The following THSD7B variants were observed in gnomAD, a reference collection of about 807,000 sequenced individuals.
THSD7B encodes the protein thrombospondin type-1 domain-containing protein 7B.
Under a neutral mutation model 213.6 loss-of-function variants are expected in THSD7B, and 138 were observed. The ratio of observed to expected loss-of-function variants is 0.65; its 90% confidence interval spans 0.56 to 0.74. THSD7B has a LOEUF of 0.74. Among genes scored for constraint, THSD7B ranks in the 30% least tolerant of loss-of-function variants. The pLI, the probability that THSD7B is intolerant of heterozygous loss-of-function variation, is 0.00. For missense variants in THSD7B, 1,931 were observed against 1,991.5 expected (o/e 0.97, Z 0.58); for synonymous variants, 742 against 687.0 (o/e 1.08, Z -1.25).
At chr2:137,092,579 T>A (rs1687968985) in intron 3 of THSD7B, among the ~76,000 whole-genome samples, 1 of 152,176 alleles carries the variant, frequency 6.6e-6, no homozygotes, top group African/African-American at 2.4e-5. Flanking sequence ...CTGTCTTCTA[T>A]AAATGATCGC....
chr2:137,548,522 T>A (rs766514399), intron 15 of THSD7B, among the ~76,000 whole-genome samples: 1 of 152,020 alleles, frequency 6.6e-6, no homozygotes, highest in African/African-American at 2.4e-5. Flanking sequence ...TTATTTGGAA[T>A]ATCTCACAAT....
At chr2:137,047,272 A>G (rs1246871061) in intron 2 of THSD7B, among the ~76,000 whole-genome samples, 1 of 152,142 alleles carries the variant, frequency 6.6e-6, no homozygotes, top group Admixed American at 6.6e-5. Context: ...TGGGTGATTG[A>G]ATCTGATCTT....
intron 17 of THSD7B, among the ~76,000 whole-genome samples, chr2:137,594,900 T>C (rs372334413): frequency 6.6e-6 from 1 of 152,004 alleles, no homozygotes; most frequent in East Asian, 1.9e-4. Flanking sequence ...CAATGTTTGA[T>C]AGTGTTCAGT....
intron 3 of THSD7B, among the ~76,000 whole-genome samples, chr2:137,065,648 A>G (rs1048479162): frequency 2.0e-5 from 3 of 151,132 alleles, no homozygotes; most frequent in African/African-American, 7.4e-5. Flanking sequence ...TCTGATTTTA[A>G]TGGAACATTT....
At chr2:137,580,160 G>A (rs564977479) in intron 17 of THSD7B, among the ~76,000 whole-genome samples, 3 of 152,114 alleles carry the variant, frequency 2.0e-5, no homozygotes, top group African/African-American at 7.2e-5. Flanking sequence ...AATTTCAAAT[G>A]AATATTCCTA....
chr2:137,017,655 G>A (rs796614654), intron 2 of THSD7B, among the ~76,000 whole-genome samples: 11 of 152,224 alleles, frequency 7.2e-5, no homozygotes, highest in African/African-American at 2.4e-4. Context: ...GCTTTCCAGT[G>A]TCAGGACATC....
intron 7 of THSD7B, among the ~76,000 whole-genome samples, chr2:137,203,374 G>A (rs1430526936): frequency 6.6e-6 from 1 of 151,954 alleles, no homozygotes; most frequent in African/African-American, 2.4e-5. Flanking sequence ...ATTGGCATGG[G>A]TGTTAGAGAG....
intron 20 of THSD7B, among the ~76,000 whole-genome samples, chr2:137,623,438 T>A (rs968438560): frequency 6.6e-6 from 1 of 152,178 alleles, no homozygotes; most frequent in African/African-American, 2.4e-5. Flanking sequence ...ATGCCCTCTC[T>A]CACCACTCCT....
rs1682860598 is a variant in THSD7B, at chr2:137,275,957, G to T, written c.2431G>T (p.Val811Leu). ...KPQKWSPCIL[V>L]PESVWQGITG... is the part of the protein sequence containing the mutation. ...ACAGAAATGGAGCCCTTGCATCTTA[G>T]TGCCAGAGTCTGTCTGGCAGGGAAT... The change falls in exon 12 of 28, where the codon GTG becomes TTG. Residue 811 changes from valine (V) to leucine (L), a missense_variant. Val to Leu is a conservative substitution (Grantham distance 32). Transcript: ENST00000409968. 4 of 1,612,144 alleles carry T rather than the reference G, an allele frequency of 2.5e-6. No individual in the cohort carries two copies. The highest frequency in any genetic ancestry group is 3.4e-6 in the Non-Finnish European group (4 of 1,178,924).
chr2:136,853,978 C>T (rs77143266), intron 1 of THSD7B, among the ~76,000 whole-genome samples: 3,429 of 152,246 alleles, frequency 0.023, 68 homozygotes, highest in South Asian at 0.064. Flanking sequence ...ATCTCCATCC[C>T]ACCCAATCTT....
intron 2 of THSD7B, among the ~76,000 whole-genome samples, chr2:137,052,464 A>G (rs1446430836): frequency 6.6e-6 from 1 of 152,078 alleles, no homozygotes; most frequent in Non-Finnish European, 1.5e-5. Flanking sequence ...TTCACTAGGC[A>G]TATAAAAATT....
intron 15 of THSD7B, among the ~76,000 whole-genome samples, chr2:137,508,679 A>T (rs1333458168): frequency 6.6e-6 from 1 of 151,804 alleles, no homozygotes; most frequent in African/African-American, 2.4e-5. Flanking sequence ...TAAATAAAAC[A>T]ATTTTAAACT....
At position 137,232,529 on chromosome 2, in the gene THSD7B, G is replaced by T. The variant is rs546198136; in HGVS notation, c.1916-370G>T. Among the ~76,000 whole-genome samples, 9 of 152,186 alleles carry T rather than the reference G, an allele frequency of 5.9e-5. 1 individual carries two copies. Among genetic ancestry groups the T allele is most frequent in the Non-Finnish European group, 8.8e-5 (6 of 68,004 alleles). On this transcript the variant is annotated intron_variant, in intron 8 of 27. Transcript: ENST00000409968. ...TCATTCAAACTAATATCACTTCGAG[G>T]TCATAGACTATTCTAACTGGCTAAT...
intron 17 of THSD7B, among the ~76,000 whole-genome samples, chr2:137,611,309 G>T (rs186138602): frequency 6.6e-6 from 1 of 151,852 alleles, no homozygotes; most frequent in East Asian, 1.9e-4. Context: ...GTATATGACA[G>T]ATGTTTACTA....
chr2:137,371,283 A>G (rs1378159782), intron 12 of THSD7B, among the ~76,000 whole-genome samples: 1 of 152,162 alleles, frequency 6.6e-6, no homozygotes, highest in Admixed American at 6.6e-5. Flanking sequence ...AAGGATGTGG[A>G]GGTAAAATTT....
chr2:137,356,603 A>G (rs904480638), intron 12 of THSD7B, among the ~76,000 whole-genome samples: 8 of 152,186 alleles, frequency 5.3e-5, no homozygotes, highest in Non-Finnish European at 1.0e-4. Flanking sequence ...TCATGACACA[A>G]GCCTAGATGT....
At chr2:136,936,421 A>C (rs1007517447) in intron 2 of THSD7B, among the ~76,000 whole-genome samples, 49 of 152,326 alleles carry the variant, frequency 3.2e-4, no homozygotes, top group African/African-American at 1.1e-3. Flanking sequence ...GAACCAACCC[A>C]AAAGTCCATC....
intron 2 of THSD7B, among the ~76,000 whole-genome samples, chr2:136,991,599 T>C (rs1685785668): frequency 1.3e-5 from 2 of 152,184 alleles, no homozygotes; most frequent in South Asian, 4.1e-4. Context: ...TGGTTTTCAG[T>C]GCATCTGAGT....
chr2:137,275,919 A>G lies in THSD7B; in HGVS notation c.2397-4A>G, dbSNP rs762963584. The G allele has an allele frequency of 9.9e-6, 16 of 1,608,138 alleles. No individual in the cohort carries two copies. Among genetic ancestry groups the G allele is most frequent in the Non-Finnish European group, 1.3e-5 (15 of 1,177,334 alleles). On this transcript the variant is annotated splice_region_variant and splice_polypyrimidine_tract_variant and intron_variant, in intron 11 of 27. Coordinates refer to ENST00000409968, the MANE Select transcript of THSD7B (RefSeq NM_001316349.2). Reference sequence around the variant, plus strand: ...TTCTAGTCCATCGTTTTTGGTAATCACAGGTGGAAGCCACAGAAATGGAGC... The same window carrying G: ...TTCTAGTCCATCGTTTTTGGTAATCGCAGGTGGAAGCCACAGAAATGGAGC...
Sources: gnomAD v4.1 joint callset for allele counts (sites outside exome capture counted in the v4.1 genomes callset) on GRCh38, gnomAD v4.1.1 for gene constraint, MANE v1.5 for transcripts, NCBI Gene and HGNC (gene_info 2026-07-23, HGNC 2026-07-21) for gene names.